Variants in CNKSR2 observed in about 807,000 individuals in gnomAD.
The protein encoded by CNKSR2 is CNK homolog protein 2.
In CNKSR2, 14 loss-of-function variants were observed where a neutral mutation model predicts 84.4. That is an observed-to-expected ratio of 0.17 (90% CI 0.11 to 0.26). The LOEUF (loss-of-function observed/expected upper bound fraction) is 0.26, where lower values mean the gene tolerates loss of function less well. Ranked by LOEUF, CNKSR2 falls within the 10% of genes least tolerant of loss-of-function variation. The pLI, the probability that CNKSR2 is intolerant of heterozygous loss-of-function variation, is 1.00. For synonymous variants in CNKSR2, 275 were observed against 277.9 expected, an observed-to-expected ratio of 0.99 and a Z score of 0.10; for missense variants, 485 against 771.2, an observed-to-expected ratio of 0.63 and a Z score of 4.40.
intron 17 of CNKSR2, among the ~76,000 whole-genome samples, chrX:21,597,816 ATAATG>A (rs1458097863): frequency 9.1e-6 from 1 of 109,720 alleles, no homozygotes; most frequent in Non-Finnish European, 1.9e-5. Flanking sequence ...TTATAATTAT[ATAATG>A]TATGTGATTA....
At position 21,653,355 on chromosome X, in the gene CNKSR2, C is replaced by A. The variant is rs2092725129; in HGVS notation, c.*834C>A. The A allele has an allele frequency of 9.2e-6, 1 of 108,545 alleles. No homozygotes were observed. The highest frequency in any genetic ancestry group is 2.9e-4 in the East Asian group (1 of 3,473). The allele number at this position is 108,545 out of a possible 1,213,427, so 8.9% of individuals were successfully genotyped here. On this transcript the variant is annotated 3_prime_UTR_variant, in exon 22 of 22. Coordinates refer to ENST00000379510, the MANE Select transcript of CNKSR2 (RefSeq NM_014927.5). ...ACACACCCAGAAAGGCAGCTAACAG[C>A]TATATATATATATAAATTTCAGCCC...
At chrX:21,384,782 CTT>C (rs2089945753) in intron 1 of CNKSR2, among the ~76,000 whole-genome samples, 1 of 111,949 alleles carries the variant, frequency 8.9e-6, no homozygotes, top group South Asian at 3.7e-4. Flanking sequence ...AATTATCAGT[CTT>C]TATTTTTTGG....
intron 5 of CNKSR2, among the ~76,000 whole-genome samples, chrX:21,482,755 G>C (rs1163267131): frequency 9.0e-6 from 1 of 111,666 alleles, no homozygotes; most frequent in East Asian, 2.8e-4. Flanking sequence ...AAATTCTTGA[G>C]TGTAGTAGTT....
intron 5 of CNKSR2, among the ~76,000 whole-genome samples, chrX:21,487,514 T>C (rs2091398020): frequency 8.9e-6 from 1 of 111,820 alleles, no homozygotes; most frequent in Admixed American, 9.5e-5. Context: ...ACCACAAGGG[T>C]TCTTTTTAAC....
chrX:21,500,566 G>A (rs927177019), intron 7 of CNKSR2, among the ~76,000 whole-genome samples: 1 of 110,256 alleles, frequency 9.1e-6, no homozygotes, highest in Non-Finnish European at 1.9e-5. Flanking sequence ...ATATTCAAAA[G>A]CATATTAAAA....
chrX:21,631,806 A>G (rs1478234219), intron 20 of CNKSR2, among the ~76,000 whole-genome samples: 1 of 112,325 alleles, frequency 8.9e-6, no homozygotes, highest in Admixed American at 9.5e-5. Context: ...TATTGCATAT[A>G]AAACTACTTC....
chrX:21,560,407 A>G (rs2092177482), intron 11 of CNKSR2, among the ~76,000 whole-genome samples: 1 of 111,039 alleles, frequency 9.0e-6, no homozygotes, highest in Admixed American at 9.6e-5. Flanking sequence ...ATATAACCTT[A>G]GTTTCCTCAT....
chrX:21,431,224 T>G (rs922145706), intron 2 of CNKSR2, among the ~76,000 whole-genome samples: 14 of 111,883 alleles, frequency 1.3e-4, no homozygotes, highest in Non-Finnish European at 2.1e-4. Flanking sequence ...TACCCAGTGA[T>G]TGTTGACTTA....
intron 1 of CNKSR2, among the ~76,000 whole-genome samples, chrX:21,422,725 T>G (rs921038115): frequency 8.9e-6 from 1 of 112,044 alleles, no homozygotes; most frequent in African/African-American, 3.2e-5. Context: ...AAATCCTTTT[T>G]GCTGACTTTA....
chrX:21,434,903 G>A (rs1315782524), intron 3 of CNKSR2, among the ~76,000 whole-genome samples: 1 of 106,631 alleles, frequency 9.4e-6, no homozygotes, highest in Non-Finnish European at 1.9e-5. Context: ...AGCAGATATT[G>A]TTATCTCCAT....
intron 6 of CNKSR2, chrX:21,492,258 A>G (rs2091449860): frequency 8.9e-6 from 1 of 111,745 alleles, no homozygotes; most frequent in African/African-American, 3.2e-5. Context: ...AGCCCTGGAC[A>G]GGTCCTTTAT....
At chrX:21,418,543 G>T (rs982474481) in intron 1 of CNKSR2, among the ~76,000 whole-genome samples, 1 of 111,543 alleles carries the variant, frequency 9.0e-6, no homozygotes, top group Admixed American at 9.5e-5. Flanking sequence ...CATGTTTGAA[G>T]AATATTTTTG....
At chrX:21,404,789 CAAA>C (rs59192713) in intron 1 of CNKSR2, among the ~76,000 whole-genome samples, 1 of 30,082 alleles carries the variant, frequency 3.3e-5, no homozygotes. Context: ...AACTCTGTCT[CAAA>C]AAAAAAAAAA....
At chrX:21,497,066 A>G (rs963956666) in intron 6 of CNKSR2, among the ~76,000 whole-genome samples, 1 of 110,974 alleles carries the variant, frequency 9.0e-6, no homozygotes, top group Non-Finnish European at 1.9e-5. Context: ...CTTGCTCTTA[A>G]AGTTTGTATG....
intron 4 of CNKSR2, among the ~76,000 whole-genome samples, chrX:21,445,870 C>T (rs1198984515): frequency 9.0e-6 from 1 of 111,389 alleles, no homozygotes; most frequent in Non-Finnish European, 1.9e-5. Context: ...TAGGTGGATT[C>T]CTTATCTTGG....
chrX:21,464,078 G>A (rs1179387941), intron 4 of CNKSR2, among the ~76,000 whole-genome samples: 2 of 111,930 alleles, frequency 1.8e-5, no homozygotes, highest in East Asian at 5.6e-4. Flanking sequence ...GTTTATTTGG[G>A]GCCCCACATC....
chrX:21,563,113 G>T (rs1321290582), intron 12 of CNKSR2, 125 bp from the exon 13 acceptor site: 1 of 488,697 alleles, frequency 2.0e-6, no homozygotes, highest in Non-Finnish European at 3.3e-6. Flanking sequence ...TGCGGTTCTT[G>T]CAATTAAAAG....
chrX:21,529,625 G>A (rs976097814), intron 10 of CNKSR2, among the ~76,000 whole-genome samples: 1 of 110,406 alleles, frequency 9.1e-6, no homozygotes, highest in African/African-American at 3.3e-5. Context: ...CTTTACATCA[G>A]AATGAATTAA....
At chrX:21,392,734 T>C (rs1393824993) in intron 1 of CNKSR2, among the ~76,000 whole-genome samples, 1 of 111,471 alleles carries the variant, frequency 9.0e-6, no homozygotes, top group Admixed American at 9.6e-5. Flanking sequence ...TTTCTGATTG[T>C]TTTTAATCAA....
Sources: allele counts gnomAD v4.1 joint callset (sites outside exome capture counted in the v4.1 genomes callset), GRCh38; gene constraint gnomAD v4.1.1; transcripts MANE v1.5; gene names NCBI Gene and HGNC (gene_info 2026-07-23, HGNC 2026-07-21).